The following DPH6 variants were observed in gnomAD, a reference collection of about 807,000 sequenced individuals.
The protein encoded by DPH6 is diphthamine biosynthesis 6, also known as diphthine--ammonia ligase.
Under a neutral mutation model 38.2 loss-of-function variants are expected in DPH6, and 33 were observed. The ratio of observed to expected loss-of-function variants is 0.86; its 90% CI spans 0.65 to 1.15. The LOEUF is 1.15. Among genes scored for constraint, DPH6 ranks in the 50% most tolerant of loss-of-function variants. DPH6 has a pLI of 0.00. For synonymous variants in DPH6, 108 were observed against 103.0 expected, an observed-to-expected ratio of 1.05 and a Z score of -0.30; for missense variants, 325 against 320.0, an observed-to-expected ratio of 1.02 and a Z score of -0.12.
Position 35,436,259 on chromosome 15 carries a change from G to A in DPH6, c.505+14426C>T, listed in dbSNP as rs527503597. ...AGGCAGGCGGATCACGAGGTCAGGA[G>A]ATCAAGACCATCTTGGCTAACATGG... is the stretch of plus-strand genomic sequence containing the variant. On this transcript the variant is annotated intron_variant, in intron 5 of 8. Transcript: ENST00000256538. 7.1e-3 allele frequency among the ~76,000 whole-genome samples: 1,082 copies of A among 151,806 alleles called. 4 individuals carry two copies. The highest frequency in any genetic ancestry group is 0.041 in the South Asian group (199 of 4,810).
At chr15:35,428,135 C>A (rs1229393217) in intron 5 of DPH6, among the ~76,000 whole-genome samples, 1 of 152,074 alleles carries the variant, frequency 6.6e-6, no homozygotes, top group East Asian at 1.9e-4. Flanking sequence ...GTGTAAGCAT[C>A]AAATTTTAAT....
chr15:35,368,156 T>C (rs1486173633), downstream of DPH6, among the ~76,000 whole-genome samples: 2 of 151,942 alleles, frequency 1.3e-5, no homozygotes, highest in East Asian at 3.9e-4. Context: ...GGGCAGTTCA[T>C]CTCTTGTGCC....
chr15:35,371,246 G>A lies in DPH6; in HGVS notation c.*904C>T, dbSNP rs1351561289. Reference sequence around the variant, plus strand: ...AACACAGAGGATTTTTTAAGGCAGTGAAATTATTCTGTATAATACTATAAC... The same window carrying A: ...AACACAGAGGATTTTTTAAGGCAGTAAAATTATTCTGTATAATACTATAAC... On this transcript the variant is annotated 3_prime_UTR_variant, in exon 9 of 9. Coordinates refer to ENST00000256538, the MANE Select transcript of DPH6 (RefSeq NM_080650.4). The A allele has an allele frequency of 6.6e-6, 1 of 151,676 alleles. No homozygotes were observed. Among genetic ancestry groups the A allele is most frequent in the Non-Finnish European group, 1.5e-5 (1 of 67,748 alleles). 9.4% of individuals were successfully genotyped at this position (151,676 alleles called of 1,614,324 possible). A position where few individuals can be genotyped will look rare whatever the true frequency, so the allele number is the denominator to read the frequency against.
At chr15:35,515,559 A>G (rs1473128740) in intron 3 of DPH6, among the ~76,000 whole-genome samples, 1 of 151,878 alleles carries the variant, frequency 6.6e-6, no homozygotes, top group Non-Finnish European at 1.5e-5. Flanking sequence ...GTCTCTACTA[A>G]AAATATAAAA....
At chr15:35,228,688 C>T (rs560454521) in intron 3 of DPH6, among the ~76,000 whole-genome samples, 6 of 152,268 alleles carry the variant, frequency 3.9e-5, no homozygotes, top group East Asian at 1.9e-4. Context: ...TGCTCATTAA[C>T]GCCCTTTTCT....
chr15:35,359,215 G>A (rs1284288515), intron 3 of DPH6, among the ~76,000 whole-genome samples: 6 of 151,906 alleles, frequency 3.9e-5, no homozygotes, highest in Admixed American at 2.0e-4. Flanking sequence ...CCCAAGGGCC[G>A]GTCTCACTCC....
intron 3 of DPH6, among the ~76,000 whole-genome samples, chr15:35,511,255 C>T (rs1454293410): frequency 6.6e-6 from 1 of 151,996 alleles, no homozygotes; most frequent in African/African-American, 2.4e-5. Flanking sequence ...GACAGAACAA[C>T]CAGTGCTCAT....
rs560008121 is a variant in DPH6, at chr15:35,265,206, A to T, written n.201-44624T>A. Among the ~76,000 whole-genome samples the T allele has an allele frequency of 6.6e-5, 10 of 152,312 alleles. No homozygotes were observed. In the East Asian group the frequency reaches 7.7e-4, roughly 12 times the overall value. On this transcript the variant is annotated intron_variant and non_coding_transcript_variant, in intron 3 of 3. Coordinates refer to the DPH6 transcript ENST00000560386. ...TCAAATCTAGAATATAATAAGAATT[A>T]AAAAAGATATTCAATCTTAAAATGC...
chr15:35,413,618 C>T (rs2053398260), intron 5 of DPH6, among the ~76,000 whole-genome samples: 1 of 151,390 alleles, frequency 6.6e-6, no homozygotes, highest in Admixed American at 6.6e-5. Context: ...TTGCTAATAT[C>T]TTTCTTATAT....
rs140234600 is a variant in DPH6 at position 35,357,136 on chromosome 15, G to A, written n.207+16385C>T. On this transcript the variant is annotated intron_variant and non_coding_transcript_variant, in intron 3 of 3. Coordinates refer to the DPH6 transcript ENST00000558973. ...CGTTTGCTAAGACTGTTGGAGAAGC[G>A]CAGTATTAGCGTGGGAATGACCCAA... Among the ~76,000 whole-genome samples the A allele has an allele frequency of 3.7e-3, 563 of 152,338 alleles. 2 individuals are homozygous for A. The highest frequency in any genetic ancestry group is 0.01 in the Middle Eastern group (3 of 294).
intron 3 of DPH6, among the ~76,000 whole-genome samples, chr15:35,305,331 T>C (rs1333980987): frequency 6.6e-6 from 1 of 151,738 alleles, no homozygotes; most frequent in Admixed American, 6.6e-5. Context: ...AAACAATGAC[T>C]AAGGTCTTAA....
At chr15:35,450,991 G>A (rs1433156848) in intron 4 of DPH6, among the ~76,000 whole-genome samples, 188 bp from the exon 5 acceptor site, 3 of 152,036 alleles carry the variant, frequency 2.0e-5, no homozygotes, top group East Asian at 1.9e-4. Context: ...CATGGGTTAT[G>A]CATAAACTGA....
At chr15:35,352,122 A>G (rs912821290) in intron 3 of DPH6, among the ~76,000 whole-genome samples, 2 of 152,284 alleles carry the variant, frequency 1.3e-5, no homozygotes, top group African/African-American at 4.8e-5. Context: ...TTAAATGTTA[A>G]GGTGCATGAT....
chr15:35,283,482 G>C (rs2051916950), intron 3 of DPH6, among the ~76,000 whole-genome samples: 1 of 151,968 alleles, frequency 6.6e-6, no homozygotes, highest in African/African-American at 2.4e-5. Context: ...ATTTTTAGCA[G>C]AGATGGGGTT....
At chr15:35,254,319 TC>T (rs2051693470) in intron 3 of DPH6, among the ~76,000 whole-genome samples, 1 of 152,204 alleles carries the variant, frequency 6.6e-6, no homozygotes, top group African/African-American at 2.4e-5. Context: ...GGAAGACAGT[TC>T]CATTTGCATT....
chr15:35,520,580 C>T, intron 3 of DPH6: 6 of 984,586 alleles, frequency 6.1e-6, no homozygotes, highest in Non-Finnish European at 7.2e-6. Flanking sequence ...CAGCATAAAG[C>T]TTCTTATAAT....
At chr15:35,436,494 C>CAAACAAAAAAAAAAAAAAAAA (rs1566909220) in intron 5 of DPH6, among the ~76,000 whole-genome samples, 1 of 9,138 alleles carries the variant, frequency 1.1e-4, no homozygotes, top group African/African-American at 2.4e-4. Flanking sequence ...CAAAACAAAA[C>CAAACAAAAAAAAAAAAAAAAA]AAAACAAAAC....
At chr15:35,351,333 T>G (rs1436682065) in intron 3 of DPH6, among the ~76,000 whole-genome samples, 3 of 152,186 alleles carry the variant, frequency 2.0e-5, no homozygotes, top group African/African-American at 4.8e-5. Flanking sequence ...ATAGTTGGAT[T>G]GTGTTGTTTT....
At chr15:35,205,649 G>A in the DPH6 span, among the ~76,000 whole-genome samples, 1 of 151,868 alleles carries the variant, frequency 6.6e-6, no homozygotes, top group Non-Finnish European at 1.5e-5. Flanking sequence ...ATTTCCAATT[G>A]TCTTTTTGGA....
Sources: gnomAD v4.1 joint callset for allele counts (sites outside exome capture counted in the v4.1 genomes callset) on GRCh38, gnomAD v4.1.1 for gene constraint, MANE v1.5 for transcripts, NCBI Gene and HGNC (gene_info 2026-07-23, HGNC 2026-07-21) for gene names.